COMMD10: variants seen among roughly 807,000 people sequenced by gnomAD.
COMMD10 encodes the protein COMM domain-containing protein 10.
A neutral mutation model predicts 28.9 loss-of-function variants in COMMD10; 33 were observed. The observed-to-expected ratio is 1.14, with a 90% CI of 0.87 to 1.53. The LOEUF (loss-of-function observed/expected upper bound fraction) is 1.53. COMMD10 is among the 40% of genes most tolerant of loss of function. The pLI, the probability that COMMD10 is intolerant of heterozygous loss-of-function variation, is 0.00. For synonymous variants in COMMD10, 110 were observed against 81.7 expected, an observed-to-expected ratio of 1.35 and a Z score of -1.87; for missense variants, 310 against 233.4, an observed-to-expected ratio of 1.33 and a Z score of -2.14.
At chr5:116,179,155 A>C (rs1044704483) in intron 5 of COMMD10, among the ~76,000 whole-genome samples, 1 of 152,182 alleles carries the variant, frequency 6.6e-6, no homozygotes, top group Non-Finnish European at 1.5e-5. Flanking sequence ...TACAATGTGT[A>C]ACTTTTATCT....
chr5:116,190,242 T>C (rs953700292), intron 5 of COMMD10, among the ~76,000 whole-genome samples: 5 of 151,946 alleles, frequency 3.3e-5, no homozygotes, highest in Non-Finnish European at 7.4e-5. Flanking sequence ...TTGAGGCCTA[T>C]ATATATATAT....
intron 5 of COMMD10, among the ~76,000 whole-genome samples, chr5:116,192,913 G>T (rs1004276860): frequency 6.6e-6 from 1 of 152,172 alleles, no homozygotes; most frequent in African/African-American, 2.4e-5. Context: ...TGAGACAGAA[G>T]CACCAGGTAA....
intron 4 of COMMD10, among the ~76,000 whole-genome samples, chr5:116,127,149 T>G (rs1410589033): frequency 1.3e-5 from 2 of 152,292 alleles, no homozygotes; most frequent in South Asian, 4.1e-4. Flanking sequence ...AGAAGACATT[T>G]ATGCAGCCAA....
At chr5:116,244,457 C>G (rs35159508) in intron 5 of COMMD10, among the ~76,000 whole-genome samples, 1 of 151,702 alleles carries the variant, frequency 6.6e-6, no homozygotes, top group Non-Finnish European at 1.5e-5. Flanking sequence ...AGAAGCCAGT[C>G]TAGTGAATAG....
chr5:116,206,877 C>G lies in COMMD10; in HGVS notation c.510+72699C>G, dbSNP rs569927254. On this transcript the variant is annotated intron_variant, in intron 5 of 6. Transcript: ENST00000274458. Reference sequence around the variant, plus strand: ...TCTAATTTCCTTTGAGAACCTGATTCTGTTGGATTGGTAGGCATTAGGAAG... The same window carrying G: ...TCTAATTTCCTTTGAGAACCTGATTGTGTTGGATTGGTAGGCATTAGGAAG... Among the ~76,000 whole-genome samples the G allele has an allele frequency of 2.0e-5, 3 of 152,198 alleles. No homozygotes were observed. The South Asian group carries it at 6.2e-4, about 32-fold the overall frequency.
intron 5 of COMMD10, among the ~76,000 whole-genome samples, chr5:116,239,112 T>G (rs529288505): frequency 6.6e-6 from 1 of 152,332 alleles, no homozygotes; most frequent in African/African-American, 2.4e-5. Flanking sequence ...GCTTGTTTTT[T>G]TGCCAATCGC....
chr5:116,154,274 C>T (rs1419356694), intron 5 of COMMD10, among the ~76,000 whole-genome samples: 2 of 152,078 alleles, frequency 1.3e-5, no homozygotes, highest in African/African-American at 4.8e-5. Context: ...TAAACTAGTT[C>T]TCTCTCCTAT....
intron 4 of COMMD10, among the ~76,000 whole-genome samples, chr5:116,112,555 C>G (rs1388808163): frequency 6.6e-6 from 1 of 152,122 alleles, no homozygotes; most frequent in Admixed American, 6.5e-5. Context: ...TGCGCGCCAC[C>G]ATGCACAGCT....
chr5:116,233,032 A>C (rs1749568079), intron 5 of COMMD10, among the ~76,000 whole-genome samples: 1 of 152,138 alleles, frequency 6.6e-6, no homozygotes, highest in Non-Finnish European at 1.5e-5. Flanking sequence ...TAGCATTTAT[A>C]ATATTTATTC....
chr5:116,157,240 A>G (rs1386415564), intron 5 of COMMD10, among the ~76,000 whole-genome samples: 1 of 152,114 alleles, frequency 6.6e-6, no homozygotes. Flanking sequence ...TATTTTTTTA[A>G]ATTGTGGCAG....
intron 5 of COMMD10, among the ~76,000 whole-genome samples, chr5:116,236,962 A>AT (rs1325939950): frequency 3.3e-5 from 5 of 152,192 alleles, no homozygotes; most frequent in South Asian, 4.2e-4. Flanking sequence ...TCTAAAATAG[A>AT]TTTTTTTAAA....
chr5:116,106,466 T>G (rs1253856679), intron 4 of COMMD10, among the ~76,000 whole-genome samples: 1 of 152,194 alleles, frequency 6.6e-6, no homozygotes, highest in East Asian at 1.9e-4. Context: ...TTCTGTTGAT[T>G]TGGTGTGGAG....
chr5:116,214,189 C>G (rs931116170), intron 5 of COMMD10, among the ~76,000 whole-genome samples: 1 of 151,966 alleles, frequency 6.6e-6, no homozygotes, highest in Non-Finnish European at 1.5e-5. Context: ...ATGCAAACTT[C>G]TTGGAAAGTA....
intron 5 of COMMD10, among the ~76,000 whole-genome samples, chr5:116,256,585 A>T (rs1750291994): frequency 6.6e-6 from 1 of 151,670 alleles, no homozygotes; most frequent in Non-Finnish European, 1.5e-5. Flanking sequence ...ATACAGGTTG[A>T]GTATTCCTTA....
chr5:116,171,729 C>T (rs1389922762), intron 5 of COMMD10, among the ~76,000 whole-genome samples: 3 of 152,062 alleles, frequency 2.0e-5, no homozygotes. Context: ...AACACAGGAA[C>T]AGAAAACCAA....
At chr5:116,280,538 A>G (rs1751042114) in intron 5 of COMMD10, among the ~76,000 whole-genome samples, 1 of 151,804 alleles carries the variant, frequency 6.6e-6, no homozygotes, top group South Asian at 2.1e-4. Context: ...TCTTTGGTTA[A>G]ACGTCTATTC....
intron 5 of COMMD10, among the ~76,000 whole-genome samples, chr5:116,164,846 A>G (rs756852924): frequency 1.6e-4 from 25 of 152,158 alleles, no homozygotes; most frequent in Non-Finnish European, 2.5e-4. Flanking sequence ...CTGCCACTTA[A>G]TAAGCTATAA....
At chr5:116,197,838 A>G (rs1393507943) in intron 5 of COMMD10, among the ~76,000 whole-genome samples, 1 of 152,192 alleles carries the variant, frequency 6.6e-6, no homozygotes, top group African/African-American at 2.4e-5. Context: ...AAAGAAGTAC[A>G]GGGAGATTAC....
chr5:116,113,503 A>C (rs1450528957), intron 4 of COMMD10, among the ~76,000 whole-genome samples: 1 of 151,672 alleles, frequency 6.6e-6, no homozygotes, highest in African/African-American at 2.4e-5. Context: ...CTTATTTTTA[A>C]AATTTTTATC....
Sources: gnomAD v4.1 joint callset for allele counts (sites outside exome capture counted in the v4.1 genomes callset) on GRCh38, gnomAD v4.1.1 for gene constraint, MANE v1.5 for transcripts, NCBI Gene and HGNC (gene_info 2026-07-23, HGNC 2026-07-21) for gene names.